The following PRR16 variants were observed in gnomAD, a reference collection of about 807,000 sequenced individuals.
PRR16 encodes the protein protein Largen.
A neutral mutation model predicts 18.2 loss-of-function variants in PRR16; 6 were observed. That is an observed-to-expected ratio of 0.33 (90% CI 0.18 to 0.65). The LOEUF is 0.65. Among genes scored for constraint, PRR16 ranks in the 30% least tolerant of loss-of-function variants. PRR16 has a pLI of 0.74. For synonymous variants in PRR16, 151 were observed against 147.8 expected, an observed-to-expected ratio of 1.02 and a Z score of -0.16; for missense variants, 412 against 376.6, an observed-to-expected ratio of 1.09 and a Z score of -0.78.
chr5:120,736,537 C>CTTT, the PRR16 span, among the ~76,000 whole-genome samples: 754 of 53,984 alleles, frequency 0.014, 65 homozygotes, highest in African/African-American at 0.022. Context: ...AGTGTAAAGG[C>CTTT]TTTTTTTTTT....
chr5:120,757,498 T>C, the PRR16 span, among the ~76,000 whole-genome samples: 797 of 152,142 alleles, frequency 5.2e-3, 3 homozygotes, highest in Admixed American at 7.2e-3. Context: ...TCAGCAGTGT[T>C]TTCTGGGTGA....
the PRR16 span, among the ~76,000 whole-genome samples, chr5:120,732,290 G>A: frequency 2.0e-5 from 3 of 152,268 alleles, no homozygotes; most frequent in Admixed American, 6.5e-5. Context: ...GTATGTTCAC[G>A]CTTAACGTGA....
the PRR16 span, among the ~76,000 whole-genome samples, chr5:120,722,913 ATCTATC>A: frequency 1.3e-5 from 2 of 151,482 alleles, no homozygotes; most frequent in African/African-American, 4.8e-5. Context: ...TTCTGAAAGT[ATCTATC>A]TCTATATTTA....
chr5:120,696,731 C>A, the PRR16 span, among the ~76,000 whole-genome samples: 1 of 152,024 alleles, frequency 6.6e-6, no homozygotes, highest in Admixed American at 6.6e-5. Context: ...ATGTAAAATG[C>A]TGTAACCAAC....
At chr5:120,472,983 ATTTG>A (rs1454486291) in intron 1 of PRR16, among the ~76,000 whole-genome samples, 1 of 152,088 alleles carries the variant, frequency 6.6e-6, no homozygotes, top group Non-Finnish European at 1.5e-5. Flanking sequence ...CAGCATTTTT[ATTTG>A]TTTTATTTTT....
At chr5:120,671,840 T>G (rs1466970733) in intron 1 of PRR16, among the ~76,000 whole-genome samples, 2 of 152,088 alleles carry the variant, frequency 1.3e-5, no homozygotes, top group East Asian at 3.9e-4. Context: ...AAGAGAGAAG[T>G]TAGAAATCTC....
At chr5:120,697,604 T>G in the PRR16 span, among the ~76,000 whole-genome samples, 1 of 152,118 alleles carries the variant, frequency 6.6e-6, no homozygotes, top group Admixed American at 6.5e-5. Context: ...ACATGGCTGT[T>G]TATTTCACCT....
At chr5:120,680,087 T>G (rs1756925650) in intron 1 of PRR16, among the ~76,000 whole-genome samples, 2 of 152,166 alleles carry the variant, frequency 1.3e-5, no homozygotes, top group African/African-American at 4.8e-5. Context: ...ATATGCATTT[T>G]ATAACCTCAT....
chr5:120,472,642 A>G (rs1009130897), intron 1 of PRR16, among the ~76,000 whole-genome samples: 3 of 152,130 alleles, frequency 2.0e-5, no homozygotes, highest in Admixed American at 6.5e-5. Flanking sequence ...TTGGCTCCAT[A>G]ATTTTCAGAA....
chr5:120,753,910 C>A, the PRR16 span, among the ~76,000 whole-genome samples: 40 of 96,676 alleles, frequency 4.1e-4, no homozygotes, highest in Middle Eastern at 5.2e-3. Context: ...ATTTATAAAT[C>A]TCTATAAATG....
At chr5:120,591,215 G>C (rs1252190819) in intron 1 of PRR16, among the ~76,000 whole-genome samples, 5 of 152,024 alleles carry the variant, frequency 3.3e-5, no homozygotes, top group African/African-American at 7.2e-5. Flanking sequence ...GGAGGTGGAG[G>C]TTGCAGTGAG....
chr5:120,474,606 AACC>A (rs1222914274), intron 1 of PRR16, among the ~76,000 whole-genome samples: 25 of 91,896 alleles, frequency 2.7e-4, no homozygotes, highest in African/African-American at 1.2e-3. Flanking sequence ...TTAAAAAAAA[AACC>A]CATTATCTGT....
chr5:120,602,761 G>T (rs1479191525), intron 1 of PRR16, among the ~76,000 whole-genome samples: 1 of 151,918 alleles, frequency 6.6e-6, no homozygotes, highest in Non-Finnish European at 1.5e-5. Flanking sequence ...TTTGTTGAGG[G>T]TTTTAAACAT....
chr5:120,744,308 C>T, the PRR16 span, among the ~76,000 whole-genome samples: 2 of 152,174 alleles, frequency 1.3e-5, no homozygotes, highest in Non-Finnish European at 2.9e-5. Flanking sequence ...TCTCACCAGA[C>T]ATTCCTAGAA....
chr5:120,622,213 C>T (rs1754713740), intron 1 of PRR16, among the ~76,000 whole-genome samples: 1 of 152,066 alleles, frequency 6.6e-6, no homozygotes, highest in South Asian at 2.1e-4. Context: ...TCTCATCTCC[C>T]TTTTTTATTT....
chr5:120,468,543 G>C (rs952659420), intron 1 of PRR16, among the ~76,000 whole-genome samples: 1 of 152,152 alleles, frequency 6.6e-6, no homozygotes, highest in African/African-American at 2.4e-5. Flanking sequence ...GGTAGAGTAG[G>C]TGTGAGTGAT....
chr5:120,498,572 A>G (rs1750337871), intron 1 of PRR16, among the ~76,000 whole-genome samples: 1 of 151,798 alleles, frequency 6.6e-6, no homozygotes, highest in African/African-American at 2.4e-5. Flanking sequence ...AGAAAGCTCA[A>G]GAGGAAAGGA....
chr5:120,683,281 A>G (rs1043611693), intron 1 of PRR16, among the ~76,000 whole-genome samples: 8 of 152,176 alleles, frequency 5.3e-5, no homozygotes, highest in African/African-American at 1.9e-4. Flanking sequence ...TCATGAGGTC[A>G]GGCGTTTGAG....
At chr5:120,613,124 C>G (rs1561574152) in intron 1 of PRR16, among the ~76,000 whole-genome samples, 1 of 151,986 alleles carries the variant, frequency 6.6e-6, no homozygotes, top group Non-Finnish European at 1.5e-5. Flanking sequence ...AAATATTTGC[C>G]CATGAGTTTA....
Sources: gnomAD v4.1 joint callset for allele counts (sites outside exome capture counted in the v4.1 genomes callset) on GRCh38, gnomAD v4.1.1 for gene constraint, MANE v1.5 for transcripts, NCBI Gene and HGNC (gene_info 2026-07-23, HGNC 2026-07-21) for gene names.